Variants in PIGK observed in about 807,000 individuals in gnomAD.
PIGK encodes GPI-anchor transamidase.
In PIGK, 42 loss-of-function variants were observed where a neutral mutation model predicts 50.6. The ratio of observed to expected loss-of-function variants is 0.83; its 90% CI spans 0.65 to 1.07. PIGK has a LOEUF of 1.07. PIGK is among the 50% of genes least tolerant of loss of function. PIGK has a pLI of 0.00. For synonymous variants in PIGK, 151 were observed against 156.0 expected (o/e 0.97, Z 0.24); for missense variants, 448 against 488.7 (o/e 0.92, Z 0.78).
chr1:77,137,954 A>G (rs1423338501), intron 9 of PIGK, among the ~76,000 whole-genome samples: 3 of 152,148 alleles, frequency 2.0e-5, no homozygotes, highest in Non-Finnish European at 2.9e-5. Flanking sequence ...TTTGTAATTG[A>G]TAAGTCATAT....
intron 10 of PIGK, among the ~76,000 whole-genome samples, chr1:77,106,625 T>C (rs1285456987): frequency 1.3e-5 from 2 of 152,114 alleles, no homozygotes; most frequent in African/African-American, 4.8e-5. Flanking sequence ...AGGCCCTCTA[T>C]GTGGTTTACT....
intron 3 of PIGK, among the ~76,000 whole-genome samples, chr1:77,187,398 C>A (rs1384444166): frequency 6.6e-6 from 1 of 152,176 alleles, no homozygotes; most frequent in African/African-American, 2.4e-5. Context: ...CCTGTTCCTG[C>A]AACATTACGC....
At chr1:77,112,566 T>C (rs1377857470) in intron 10 of PIGK, among the ~76,000 whole-genome samples, 1 of 152,136 alleles carries the variant, frequency 6.6e-6, no homozygotes, top group Non-Finnish European at 1.5e-5. Context: ...TATCAATTTG[T>C]TATTATATGC....
chr1:77,207,701 G>A (rs879374071), intron 2 of PIGK, among the ~76,000 whole-genome samples: 2 of 152,068 alleles, frequency 1.3e-5, no homozygotes, highest in Non-Finnish European at 2.9e-5. Flanking sequence ...ATAGATTGGG[G>A]TCACTTGGTA....
chr1:77,145,951 C>T (rs890551783), intron 9 of PIGK, among the ~76,000 whole-genome samples: 1 of 152,052 alleles, frequency 6.6e-6, no homozygotes, highest in East Asian at 1.9e-4. Context: ...AGATGCTGCT[C>T]AACTTATGAT....
chr1:77,176,969 T>C (rs1655502051), intron 3 of PIGK, among the ~76,000 whole-genome samples: 1 of 152,240 alleles, frequency 6.6e-6, no homozygotes, highest in African/African-American at 2.4e-5. Context: ...ATGTTTGGTT[T>C]GTCAAACCCA....
chr1:77,100,236 G>A (rs1653511333), intron 10 of PIGK, among the ~76,000 whole-genome samples: 1 of 152,146 alleles, frequency 6.6e-6, no homozygotes, highest in South Asian at 2.1e-4. Flanking sequence ...GAGCATATGA[G>A]TTCAGTTAAA....
In PIGK at chr1:77,161,597, G is replaced by A. The variant is rs35968680; in HGVS notation, c.699C>T (p.Leu233=). The A allele has an allele frequency of 1.0e-3, 1,408 of 1,370,930 alleles. 2 individuals carry two copies. Among genetic ancestry groups the A allele is most frequent in the Non-Finnish European group, 1.4e-3 (1,296 of 958,032 alleles). 84.9% of individuals were successfully genotyped at this position (1,370,930 alleles called of 1,614,324 possible). A position where few individuals can be genotyped will look rare whatever the true frequency, so the allele number is the denominator to read the frequency against. Residue 233 remains leucine, a synonymous_variant, in exon 7 of 11, where the codon CTC becomes CTT. Coordinates refer to ENST00000370812, the MANE Select transcript of PIGK (RefSeq NM_005482.3). ...CAAATGGGGAAAATGCACATACCGA[G>A]AGTGAATCTTCTCCCACTTGACTAC... The part of the protein sequence containing the change: ...LASSQVGEDS[L]SHQPDPAIGV...
chr1:77,102,406 G>A (rs1653569869), intron 10 of PIGK, among the ~76,000 whole-genome samples: 1 of 152,188 alleles, frequency 6.6e-6, no homozygotes, highest in South Asian at 2.1e-4. Context: ...TTATTTAGGT[G>A]AGCCCAATAG....
Position 77,109,377 on chromosome 1 carries a change from C to A in PIGK, c.1071+12898G>T, listed in dbSNP as rs530955973. 2.5e-3 allele frequency among the ~76,000 whole-genome samples: 379 copies of A among 152,204 alleles called. 7 individuals are homozygous for A. The highest frequency in any genetic ancestry group is 3.1e-3 in the East Asian group (16 of 5,180). ...AATCCTCAATAAAATACTGGCAAAC[C>A]AAATCCAGCAGCACATCAAAAAGCT... On this transcript the variant is annotated intron_variant, in intron 10 of 10. Coordinates refer to ENST00000370812, the MANE Select transcript of PIGK (RefSeq NM_005482.3).
chr1:77,191,147 C>T (rs1487776895), intron 3 of PIGK, among the ~76,000 whole-genome samples: 1 of 152,230 alleles, frequency 6.6e-6, no homozygotes, highest in African/African-American at 2.4e-5. Context: ...TTACAAGTTA[C>T]TATCTTTCTG....
chr1:77,204,104 C>G (rs1656233805), intron 3 of PIGK, among the ~76,000 whole-genome samples: 1 of 152,144 alleles, frequency 6.6e-6, no homozygotes, highest in African/African-American at 2.4e-5. Flanking sequence ...AGAACAGAGT[C>G]ATATTTTTCT....
chr1:77,188,561 T>C (rs1436053932), intron 3 of PIGK, among the ~76,000 whole-genome samples: 1 of 152,226 alleles, frequency 6.6e-6, no homozygotes, highest in Non-Finnish European at 1.5e-5. Context: ...TGTGGTCCTG[T>C]GATCTCGCCC....
chr1:77,214,803 T>C (rs1337981146), intron 1 of PIGK, among the ~76,000 whole-genome samples: 1 of 152,152 alleles, frequency 6.6e-6, no homozygotes, highest in Admixed American at 6.5e-5. Context: ...TTCAGTAAAG[T>C]TGCAAGACTC....
At chr1:77,132,357 T>C (rs2100536292) in intron 9 of PIGK, among the ~76,000 whole-genome samples, 2 of 152,056 alleles carry the variant, frequency 1.3e-5, no homozygotes, top group South Asian at 4.2e-4. Flanking sequence ...TACATCTTTT[T>C]TTCTGCTATC....
intron 9 of PIGK, among the ~76,000 whole-genome samples, chr1:77,146,291 C>A (rs987628753): frequency 1.3e-5 from 2 of 152,054 alleles, no homozygotes; most frequent in Non-Finnish European, 2.9e-5. Context: ...AGACTGCTTG[C>A]ATAATAGGTA....
intron 9 of PIGK, among the ~76,000 whole-genome samples, chr1:77,138,684 T>C (rs528154087): frequency 6.6e-6 from 1 of 152,334 alleles, no homozygotes; most frequent in South Asian, 2.1e-4. Flanking sequence ...AAACTAATAC[T>C]CTCACGGGAT....
At chr1:77,166,621 CA>C in intron 5 of PIGK, 97 bp downstream of exon 5, 1 of 608,780 alleles carries the variant, frequency 1.6e-6, no homozygotes, top group African/African-American at 1.9e-5. Context: ...CCATTTTAAC[CA>C]AAAATCATTT....
At chr1:77,115,668 C>A (rs940724053) in intron 10 of PIGK, among the ~76,000 whole-genome samples, 1 of 152,034 alleles carries the variant, frequency 6.6e-6, no homozygotes, top group Non-Finnish European at 1.5e-5. Context: ...AAAGGAGTAA[C>A]AAAGAACAGA....
Sources: allele counts gnomAD v4.1 joint callset (sites outside exome capture counted in the v4.1 genomes callset), GRCh38; gene constraint gnomAD v4.1.1; transcripts MANE v1.5; gene names NCBI Gene and HGNC (gene_info 2026-07-23, HGNC 2026-07-21).